BMPR2: variants seen among roughly 807,000 people sequenced by gnomAD.
BMPR2 encodes bone morphogenetic protein receptor type-2.
In BMPR2, 29 loss-of-function variants were observed where a neutral mutation model predicts 100.8. That is an observed-to-expected ratio of 0.29 (90% CI 0.21 to 0.39). The LOEUF is 0.39. Among genes scored for constraint, BMPR2 ranks in the 10% least tolerant of loss-of-function variants. The pLI is 1.00. For missense variants in BMPR2, 1,011 were observed against 1,274.5 expected, an observed-to-expected ratio of 0.79 and a Z score of 3.15; for synonymous variants, 382 against 442.3, an observed-to-expected ratio of 0.86 and a Z score of 1.71.
intron 1 of BMPR2, among the ~76,000 whole-genome samples, chr2:202,462,514 C>T (rs1692242461): frequency 6.6e-6 from 1 of 152,072 alleles, no homozygotes; most frequent in Admixed American, 6.6e-5. Flanking sequence ...CCACCGTGCC[C>T]AGGCTAGTAA....
At chr2:202,496,583 T>C (rs1693032985) in intron 3 of BMPR2, among the ~76,000 whole-genome samples, 1 of 152,274 alleles carries the variant, frequency 6.6e-6, no homozygotes, top group East Asian at 1.9e-4. Flanking sequence ...TAATGCTTTA[T>C]GTCCCACATT....
At chr2:202,480,138 C>CT (rs199795830) in intron 3 of BMPR2, among the ~76,000 whole-genome samples, 7,714 of 150,604 alleles carry the variant, frequency 0.051, 259 homozygotes, top group Non-Finnish European at 0.077. Context: ...TTTTCTTTTT[C>CT]TTTTTTTTCT....
chr2:202,555,790 C>T lies in BMPR2; in HGVS notation c.2125C>T (p.Pro709Ser), dbSNP rs1257447509. 1 of 1,614,048 alleles carries T rather than the reference C, an allele frequency of 6.2e-7. No homozygotes were observed. The highest frequency in any genetic ancestry group is 2.2e-5 in the East Asian group (1 of 44,880). Residue 709 changes from proline (P) to serine (S), a missense_variant, in exon 12 of 13, where the codon CCA (proline) becomes TCA (serine). Physicochemically the swap from Pro to Ser is moderately conservative, Grantham distance 74. Around this residue, in one of 6 missense-constraint regions of BMPR2, gnomAD observed 508 missense variants for 552.0 expected, o/e 0.92. Transcript: ENST00000374580. ...LSSTSSSLLYPLIKLAVEATG... is the reference protein window; with the variant it reads ...LSSTSSSLLYSLIKLAVEATG... ...CAGTACTAGTTCTAGCTTGCTTTAC[C>T]CACTCATAAAACTTGCAGTAGAAGC...
In BMPR2 at chr2:202,556,239, G is replaced by A; in HGVS notation, c.2574G>A (p.Leu858=). ...QNQFIGEDTR[L]NINSSPDEHE... ...AGTTTATTGGTGAGGACACCCGGCT[G>A]AATATTAATTCCAGTCCTGATGAGC... Residue 858 remains leucine (L), a synonymous_variant, in exon 12 of 13, where the codon CTG becomes CTA. Transcript: ENST00000374580. 1 of 1,613,478 alleles carries A rather than the reference G, an allele frequency of 6.2e-7. No homozygotes were observed.
intron 1 of BMPR2, among the ~76,000 whole-genome samples, chr2:202,420,267 T>C (rs115725476): frequency 0.036 from 5,484 of 152,080 alleles, 122 homozygotes; most frequent in Middle Eastern, 0.075. Flanking sequence ...CTATTCAAAA[T>C]ACATTTATTC....
intron 3 of BMPR2, among the ~76,000 whole-genome samples, chr2:202,485,545 C>CTTTTATTTTTTTTTTT (rs1692756804): frequency 1.6e-5 from 1 of 64,020 alleles, no homozygotes; most frequent in African/African-American, 5.7e-5. Context: ...TTGCCTTTAT[C>CTTTTATTTTTTTTTTT]TTTTTTTTTT....
At chr2:202,424,219 C>T (rs2105926370) in intron 1 of BMPR2, among the ~76,000 whole-genome samples, 1 of 151,580 alleles carries the variant, frequency 6.6e-6, no homozygotes, top group Non-Finnish European at 1.5e-5. Flanking sequence ...AATGAAAATG[C>T]AAACGTTAGC....
Position 202,449,222 on chromosome 2 carries a change from C to T in BMPR2, c.77-15587C>T, listed in dbSNP as rs188633446. 3.5e-3 allele frequency among the ~76,000 whole-genome samples: 538 copies of T among 151,896 alleles called. 2 individuals carry two copies. The highest frequency in any genetic ancestry group is 4.9e-3 in the Admixed American group (74 of 15,218). ...ACTCAGGAGGCTGAGGCAGGAGAAT[C>T]GCTTGAAACCGGGAGGTGGAGGTTG... is the stretch of plus-strand genomic sequence containing the variant. On this transcript the variant is annotated intron_variant, in intron 1 of 12. Coordinates refer to ENST00000374580, the MANE Select transcript of BMPR2 (RefSeq NM_001204.7).
intron 1 of BMPR2, among the ~76,000 whole-genome samples, chr2:202,421,763 A>G (rs1158081852): frequency 2.7e-5 from 4 of 150,846 alleles, no homozygotes; most frequent in Admixed American, 6.6e-5. Flanking sequence ...CACTTCCACT[A>G]GAAGATTCAT....
intron 1 of BMPR2, among the ~76,000 whole-genome samples, chr2:202,402,748 C>T (rs1420456133): frequency 6.6e-6 from 1 of 151,246 alleles, no homozygotes; most frequent in Non-Finnish European, 1.5e-5. Flanking sequence ...CTTGCTGCAA[C>T]CTCCGCCTCC....
chr2:202,530,925 G>A lies in BMPR2; in HGVS notation c.1099G>A (p.Gly367Arg). ...RLTGNRLVRP[G>R]EEDNAAISEV... ...GACTGGAAATAGACTGGTGCGCCCAGGGGAGGAAGATAATGCAGCCATAAG... is the reference window on the plus strand; with the variant it reads ...GACTGGAAATAGACTGGTGCGCCCAAGGGAGGAAGATAATGCAGCCATAAG... The change falls in exon 8 of 13, where the codon GGG becomes AGG. Residue 367 changes from glycine to arginine, a missense_variant. Gly to Arg is a moderately radical substitution (Grantham distance 125). Coordinates refer to ENST00000374580, the MANE Select transcript of BMPR2 (RefSeq NM_001204.7). The A allele has an allele frequency of 6.2e-7, 1 of 1,614,126 alleles. No individual in the cohort carries two copies. Among genetic ancestry groups the A allele is most frequent in the Non-Finnish European group, 8.5e-7 (1 of 1,179,994 alleles).
chr2:202,529,571 T>C (rs1687979890), intron 7 of BMPR2, among the ~76,000 whole-genome samples: 2 of 152,122 alleles, frequency 1.3e-5, no homozygotes, highest in African/African-American at 4.8e-5. Flanking sequence ...CTTGCAGGAA[T>C]TGAGTAGGAG....
At chr2:202,425,568 T>C (rs980613439) in intron 1 of BMPR2, among the ~76,000 whole-genome samples, 2 of 152,228 alleles carry the variant, frequency 1.3e-5, no homozygotes, top group African/African-American at 2.4e-5. Context: ...AGCTTTAGGC[T>C]AAACTTTATT....
chr2:202,531,285 AGAGT>A (rs1456608810), intron 8 of BMPR2, among the ~76,000 whole-genome samples: 1 of 152,236 alleles, frequency 6.6e-6, no homozygotes, highest in Non-Finnish European at 1.5e-5. Context: ...CCTGGGTGAC[AGAGT>A]GAGTGAGACT....
intron 1 of BMPR2, among the ~76,000 whole-genome samples, chr2:202,446,880 G>T (rs1015655880): frequency 6.8e-6 from 1 of 148,086 alleles, no homozygotes; most frequent in African/African-American, 2.6e-5. Context: ...TCAAACTCCC[G>T]ACCTCAGGAT....
intron 1 of BMPR2, among the ~76,000 whole-genome samples, chr2:202,393,268 G>C (rs957046910): frequency 6.6e-6 from 1 of 152,162 alleles, no homozygotes; most frequent in Non-Finnish European, 1.5e-5. Flanking sequence ...TAAACAGACA[G>C]AGTTTGGGGA....
chr2:202,536,061 G>A (rs527322404), intron 9 of BMPR2, among the ~76,000 whole-genome samples: 2 of 152,180 alleles, frequency 1.3e-5, no homozygotes, highest in African/African-American at 2.4e-5. Context: ...GAGGGAGACC[G>A]TGGAAAGAGA....
In BMPR2 at chr2:202,561,476, C is replaced by G. The variant is rs1688678320; in HGVS notation, c.*1530C>G. The G allele has an allele frequency of 6.6e-6, 1 of 151,952 alleles. No individual in the cohort carries two copies. The highest frequency in any genetic ancestry group is 6.6e-5 in the Admixed American group (1 of 15,260). The allele number at this position is 151,952 out of a possible 1,614,324, so 9.4% of individuals were successfully genotyped here. ...ATGTTTTTTTTAAATAAAGCACTTT[C>G]TGTCAAATAATGGACTTTTTTCTAA... On this transcript the variant is annotated 3_prime_UTR_variant, in exon 13 of 13. Transcript: ENST00000374580.
chr2:202,538,559 A>C (rs1299985057), intron 9 of BMPR2, among the ~76,000 whole-genome samples: 3 of 152,180 alleles, frequency 2.0e-5, no homozygotes, highest in Non-Finnish European at 4.4e-5. Flanking sequence ...TGGGAGGCCA[A>C]GGCTAGTGGA....
Sources: allele counts gnomAD v4.1 joint callset (sites outside exome capture counted in the v4.1 genomes callset), GRCh38; gene constraint gnomAD v4.1.1; regional missense constraint gnomAD v4.1.1; transcripts MANE v1.5; gene names NCBI Gene and HGNC (gene_info 2026-07-23, HGNC 2026-07-21).